The following RBFOX1 variants were observed in gnomAD, a reference collection of about 807,000 sequenced individuals.
The protein encoded by RBFOX1 is RNA binding protein fox-1 homolog 1.
A neutral mutation model predicts 57.7 loss-of-function variants in RBFOX1; 8 were observed. The observed-to-expected ratio is 0.14, with a 90% confidence interval of 0.08 to 0.25. The LOEUF (loss-of-function observed/expected upper bound fraction) is 0.25. Among genes scored for constraint, RBFOX1 ranks in the 10% least tolerant of loss-of-function variants. The pLI is 1.00. For missense variants in RBFOX1, 611 were observed against 548.5 expected (o/e 1.11, Z -1.14); for synonymous variants, 326 against 222.4 (o/e 1.47, Z -4.15).
chr16:7,012,758 G>A (rs890453395), intron 3 of RBFOX1, among the ~76,000 whole-genome samples: 2 of 152,224 alleles, frequency 1.3e-5, no homozygotes, highest in African/African-American at 4.8e-5. Context: ...TAGAGGAGAA[G>A]TAATGTTTCC....
chr16:7,072,569 A>G (rs1050026982), intron 4 of RBFOX1, among the ~76,000 whole-genome samples: 2 of 152,246 alleles, frequency 1.3e-5, no homozygotes, highest in African/African-American at 4.8e-5. Context: ...TGAAAGAATC[A>G]GTATGCACCA....
rs112417452 is a variant in RBFOX1 at position 6,266,712 on chromosome 16, T to TA, written c.-126-50269dup. 2.8e-3 allele frequency among the ~76,000 whole-genome samples: 374 copies of TA among 135,944 alleles called. 2 individuals are homozygous for TA. Among genetic ancestry groups the TA allele is most frequent in the Middle Eastern group, 0.019 (5 of 270 alleles). The allele number at this position is 135,944 out of a possible 152,430, so 89.2% of individuals were successfully genotyped here. ...CTGGGTGACAGTGCAAGACTCTGTCTAAAAAAAAAAAAAAGAAGAAGAAGA... is the reference window on the plus strand; with the variant it reads ...CTGGGTGACAGTGCAAGACTCTGTCTAAAAAAAAAAAAAAAGAAGAAGAAGA... On this transcript the variant is annotated intron_variant, in intron 1 of 15. Transcript: ENST00000550418.
intron 1 of RBFOX1, among the ~76,000 whole-genome samples, chr16:5,416,588 T>G (rs1377836836): frequency 3.9e-5 from 6 of 152,210 alleles, no homozygotes; most frequent in Non-Finnish European, 4.4e-5. Flanking sequence ...AATTTTCTTA[T>G]GGCACTTTAA....
chr16:6,245,158 C>T (rs1259449993), intron 1 of RBFOX1, among the ~76,000 whole-genome samples: 5 of 152,060 alleles, frequency 3.3e-5, no homozygotes, highest in Admixed American at 2.6e-4. Context: ...CAAATAAATG[C>T]GTGATTGAAT....
chr16:7,702,794 G>GTAATGATACCAGCA (rs2081193795), intron 14 of RBFOX1, among the ~76,000 whole-genome samples: 1 of 152,188 alleles, frequency 6.6e-6, no homozygotes, highest in Non-Finnish European at 1.5e-5. Flanking sequence ...CAACTCATTG[G>GTAATGATACCAGCA]TAATGATACC....
At chr16:6,996,119 C>G (rs900841179) in intron 3 of RBFOX1, among the ~76,000 whole-genome samples, 2 of 152,166 alleles carry the variant, frequency 1.3e-5, no homozygotes, top group African/African-American at 4.8e-5. Flanking sequence ...ATGTCAAGAA[C>G]ATTTTATTGT....
At chr16:7,549,230 C>G (rs957218949) in intron 5 of RBFOX1, among the ~76,000 whole-genome samples, 2 of 152,210 alleles carry the variant, frequency 1.3e-5, no homozygotes, top group African/African-American at 4.8e-5. Context: ...ATGCCTATGA[C>G]TTCACTAGCC....
intron 2 of RBFOX1, among the ~76,000 whole-genome samples, chr16:6,571,701 G>C (rs1402585111): frequency 6.6e-6 from 1 of 152,084 alleles, no homozygotes; most frequent in Non-Finnish European, 1.5e-5. Flanking sequence ...TAGAGCAAAA[G>C]GATCAGTCAG....
intron 4 of RBFOX1, among the ~76,000 whole-genome samples, chr16:7,484,875 A>C (rs945462869): frequency 5.3e-5 from 8 of 152,304 alleles, no homozygotes; most frequent in African/African-American, 1.7e-4. Flanking sequence ...CCTTTGGGCT[A>C]TCAGATGAAT....
chr16:6,743,530 C>G (rs952804720), intron 3 of RBFOX1, among the ~76,000 whole-genome samples: 1 of 151,986 alleles, frequency 6.6e-6, no homozygotes, highest in Non-Finnish European at 1.5e-5. Context: ...TGCCTTGAGC[C>G]CAGGAGTTTG....
At chr16:6,240,279 G>T (rs919800414) in intron 1 of RBFOX1, among the ~76,000 whole-genome samples, 1 of 152,124 alleles carries the variant, frequency 6.6e-6, no homozygotes, top group Non-Finnish European at 1.5e-5. Flanking sequence ...CTTTATAGCA[G>T]TGCAAGAGTG....
intron 3 of RBFOX1, among the ~76,000 whole-genome samples, chr16:6,958,834 C>T (rs544977328): frequency 6.6e-6 from 1 of 152,196 alleles, no homozygotes; most frequent in South Asian, 2.1e-4. Context: ...GGTGGCCCGG[C>T]ATTGCTGATT....
At chr16:6,357,165 C>T (rs1209583771) in intron 2 of RBFOX1, among the ~76,000 whole-genome samples, 5 of 152,048 alleles carry the variant, frequency 3.3e-5, no homozygotes, top group African/African-American at 1.2e-4. Flanking sequence ...TCAGCTGCTG[C>T]TACAGGCAAA....
chr16:7,651,065 G>C lies in RBFOX1; in HGVS notation c.758-2750G>C, dbSNP rs557530230. Among the ~76,000 whole-genome samples the C allele has an allele frequency of 4.1e-5, 6 of 147,202 alleles. No homozygotes were observed. In the Admixed American group the frequency reaches 4.1e-4, roughly 10 times the overall value. On this transcript the variant is annotated intron_variant, in intron 11 of 15. Coordinates refer to ENST00000550418, the MANE Select transcript of RBFOX1 (RefSeq NM_018723.4). ...AAATGGCATGATCTATCTTTAGCAA[G>C]AATAAAAAAAGTTAAAAATAACCTT...
At chr16:7,665,182 C>A (rs529226006) in intron 13 of RBFOX1, among the ~76,000 whole-genome samples, 1 of 152,052 alleles carries the variant, frequency 6.6e-6, no homozygotes, top group Non-Finnish European at 1.5e-5. Context: ...ATTAACCCCT[C>A]GATCAACTTC....
At chr16:5,603,532 A>G (rs2047437856), downstream of RBFOX1, among the ~76,000 whole-genome samples, 1 of 152,246 alleles carries the variant, frequency 6.6e-6, no homozygotes, top group Non-Finnish European at 1.5e-5. Flanking sequence ...AGTTAATTCC[A>G]GAGTCATCAG....
chr16:6,217,984 C>A (rs8051584), intron 1 of RBFOX1, among the ~76,000 whole-genome samples: 142,913 of 152,296 alleles, frequency 0.94, 67,678 homozygotes, highest in East Asian at 1. Flanking sequence ...CCACTGCATT[C>A]TAGCCTGGAA....
Position 6,829,851 on chromosome 16 carries a change from C to T in RBFOX1, c.-16+175201C>T, listed in dbSNP as rs1312269412. Among the ~76,000 whole-genome samples, 3 of 152,178 alleles carry T rather than the reference C, an allele frequency of 2.0e-5. No homozygotes were observed. In the East Asian group the frequency reaches 5.8e-4, roughly 29 times the overall value. On this transcript the variant is annotated intron_variant, in intron 3 of 15. Transcript: ENST00000550418. Reference sequence around the variant, plus strand: ...TCTTGACCTTAGGAGATCTGCCTGCCTTGGCCTCCCAAAGTGCTGGGATTA... The same window carrying T: ...TCTTGACCTTAGGAGATCTGCCTGCTTTGGCCTCCCAAAGTGCTGGGATTA...
intron 1 of RBFOX1, among the ~76,000 whole-genome samples, chr16:5,281,808 G>A (rs2063277845): frequency 6.6e-6 from 1 of 152,166 alleles, no homozygotes; most frequent in Non-Finnish European, 1.5e-5. Context: ...TTCAGTCTGT[G>A]TGTGTCTTTA....
Sources: allele counts gnomAD v4.1 joint callset (sites outside exome capture counted in the v4.1 genomes callset), GRCh38; gene constraint gnomAD v4.1.1; transcripts MANE v1.5; gene names NCBI Gene and HGNC (gene_info 2026-07-23, HGNC 2026-07-21).